CTNNA3: variants seen among roughly 807,000 people sequenced by gnomAD.
CTNNA3 encodes the protein catenin alpha-3.
In CTNNA3, 76 loss-of-function variants were observed where a neutral mutation model predicts 95.7. The observed-to-expected ratio is 0.79, with a 90% CI of 0.66 to 0.96. The LOEUF is 0.96. Among genes scored for constraint, CTNNA3 ranks in the 40% least tolerant of loss-of-function variants. The pLI, the probability that CTNNA3 is intolerant of heterozygous loss-of-function variation, is 0.00. For missense variants in CTNNA3, 1,191 were observed against 1,089.8 expected, an observed-to-expected ratio of 1.09 and a Z score of -1.31; for synonymous variants, 431 against 374.4, an observed-to-expected ratio of 1.15 and a Z score of -1.74.
intron 7 of CTNNA3, among the ~76,000 whole-genome samples, chr10:66,797,421 A>AC (rs1212791510): frequency 1.1e-4 from 16 of 147,602 alleles, no homozygotes; most frequent in Admixed American, 4.0e-4. Flanking sequence ...AAAAAAAAAA[A>AC]ACCCACATTT....
chr10:66,469,484 C>T (rs1476393523), intron 11 of CTNNA3, among the ~76,000 whole-genome samples: 1 of 151,528 alleles, frequency 6.6e-6, no homozygotes, highest in Admixed American at 6.6e-5. Flanking sequence ...GGATATTGGA[C>T]CCTGAAATTG....
chr10:66,878,139 T>A (rs181462081), intron 7 of CTNNA3, among the ~76,000 whole-genome samples: 182 of 152,310 alleles, frequency 1.2e-3, no homozygotes, highest in African/African-American at 4.2e-3. Flanking sequence ...CATTGTCCCT[T>A]CATTTTTTTC....
At chr10:67,157,544 C>T (rs994819340) in intron 7 of CTNNA3, among the ~76,000 whole-genome samples, 6 of 152,132 alleles carry the variant, frequency 3.9e-5, no homozygotes, top group Admixed American at 2.6e-4. Flanking sequence ...CTAGGTCCTA[C>T]AGTAAATATC....
intron 13 of CTNNA3, among the ~76,000 whole-genome samples, chr10:66,267,440 T>C (rs1158669713): frequency 2.6e-5 from 4 of 152,160 alleles, no homozygotes; most frequent in African/African-American, 9.6e-5. Flanking sequence ...TGGCAGAATT[T>C]AAAGTCTCTG....
chr10:66,099,582 G>A (rs1297892331), intron 14 of CTNNA3, among the ~76,000 whole-genome samples: 1 of 151,988 alleles, frequency 6.6e-6, no homozygotes, highest in East Asian at 1.9e-4. Context: ...CCTTTTCCTT[G>A]GCCATCTGTC....
chr10:66,494,245 GAGACCTGA>G (rs1306553877), intron 11 of CTNNA3, among the ~76,000 whole-genome samples: 2 of 152,132 alleles, frequency 1.3e-5, no homozygotes, highest in Non-Finnish European at 2.9e-5. Context: ...TCCCTTCACG[GAGACCTGA>G]AGACATAATT....
intron 13 of CTNNA3, among the ~76,000 whole-genome samples, chr10:66,116,805 A>T (rs981243695): frequency 1.3e-5 from 2 of 152,144 alleles, no homozygotes; most frequent in African/African-American, 4.8e-5. Context: ...AAGCAAGCAC[A>T]TCTTCACATG....
intron 3 of CTNNA3, among the ~76,000 whole-genome samples, chr10:67,602,774 A>G (rs550708811): frequency 6.6e-6 from 1 of 152,218 alleles, no homozygotes. Flanking sequence ...TATGGAAACT[A>G]TGTTGTCAAA....
intron 7 of CTNNA3, among the ~76,000 whole-genome samples, chr10:66,804,872 T>C (rs1186156648): frequency 2.0e-5 from 3 of 152,096 alleles, no homozygotes; most frequent in Admixed American, 6.6e-5. Flanking sequence ...GACTGGAACT[T>C]GGGAGCTTGA....
intron 9 of CTNNA3, among the ~76,000 whole-genome samples, chr10:66,631,130 G>T (rs1845119604): frequency 6.6e-6 from 1 of 152,118 alleles, no homozygotes; most frequent in Admixed American, 6.6e-5. Context: ...ATCTCAAGCT[G>T]CTTCCCAAAT....
At chr10:67,151,958 C>T (rs957476739) in intron 7 of CTNNA3, among the ~76,000 whole-genome samples, 7 of 152,270 alleles carry the variant, frequency 4.6e-5, no homozygotes, top group African/African-American at 1.4e-4. Context: ...CCTATTCTGC[C>T]CTCCCCAAAA....
At chr10:67,756,081 G>C (rs755841975) in intron 1 of CTNNA3, among the ~76,000 whole-genome samples, 2 of 152,108 alleles carry the variant, frequency 1.3e-5, no homozygotes, top group Non-Finnish European at 2.9e-5. Flanking sequence ...GATATTGCAT[G>C]TTCTGACTCA....
chr10:67,653,318 C>A (rs1366487261), intron 1 of CTNNA3, among the ~76,000 whole-genome samples: 3 of 152,210 alleles, frequency 2.0e-5, no homozygotes, highest in African/African-American at 7.2e-5. Flanking sequence ...TCACTCCACA[C>A]CAGACCCCAC....
chr10:66,764,460 A>G (rs1171884572), intron 9 of CTNNA3, among the ~76,000 whole-genome samples: 1 of 152,180 alleles, frequency 6.6e-6, no homozygotes, highest in Admixed American at 6.6e-5. Flanking sequence ...TTTTTCAAGA[A>G]TGTAAATTTT....
intron 8 of CTNNA3, among the ~76,000 whole-genome samples, chr10:66,766,885 G>A (rs542090526): frequency 1.1e-4 from 16 of 152,262 alleles, no homozygotes; most frequent in African/African-American, 3.6e-4. Context: ...CACCGATTAT[G>A]CCAGTTGATA....
At chr10:67,182,873 G>GC (rs1270484250) in intron 6 of CTNNA3, among the ~76,000 whole-genome samples, 1 of 152,124 alleles carries the variant, frequency 6.6e-6, no homozygotes, top group African/African-American at 2.4e-5. Flanking sequence ...CAACAACTGG[G>GC]CAAAGGATAT....
At chr10:67,693,741 C>T (rs1840913057) in intron 1 of CTNNA3, among the ~76,000 whole-genome samples, 1 of 152,138 alleles carries the variant, frequency 6.6e-6, no homozygotes, top group African/African-American at 2.4e-5. Flanking sequence ...TACTTGGGAC[C>T]AGTAACCACT....
At chr10:65,988,667 T>A in intron 16 of CTNNA3, 25 bp downstream of exon 16, 1 of 1,576,292 alleles carries the variant, frequency 6.3e-7, no homozygotes, top group Non-Finnish European at 8.7e-7. Flanking sequence ...TGAACTTTTA[T>A]GATGTCCACT....
intron 7 of CTNNA3, among the ~76,000 whole-genome samples, chr10:66,815,252 A>G: frequency 6.6e-6 from 1 of 152,160 alleles, no homozygotes; most frequent in African/African-American, 2.4e-5. Context: ...TGTGTGTTCT[A>G]GAAAAACGGT....
Sources: allele counts gnomAD v4.1 joint callset (sites outside exome capture counted in the v4.1 genomes callset), GRCh38; gene constraint gnomAD v4.1.1; transcripts MANE v1.5; gene names NCBI Gene and HGNC (gene_info 2026-07-23, HGNC 2026-07-21).